The following EGF variants were observed in gnomAD, a reference collection of about 807,000 sequenced individuals.
EGF encodes the protein epidermal growth factor.
A neutral mutation model predicts 143.8 loss-of-function variants in EGF; 95 were observed. The ratio of observed to expected loss-of-function variants is 0.66; its 90% CI spans 0.56 to 0.78. The LOEUF is 0.78. Among genes scored for constraint, EGF ranks in the 30% least tolerant of loss-of-function variants. The probability of loss-of-function intolerance (pLI) is 0.00; values close to 1 mark genes in which losing one functional copy is unlikely to be tolerated. For missense variants in EGF, 1,320 were observed against 1,470.9 expected, an observed-to-expected ratio of 0.90 and a Z score of 1.68; for synonymous variants, 510 against 510.5, an observed-to-expected ratio of 1.00 and a Z score of 0.01.
At chr4:109,936,797 A>G (rs1350554854) in intron 1 of EGF, among the ~76,000 whole-genome samples, 1 of 152,160 alleles carries the variant, frequency 6.6e-6, no homozygotes, top group Non-Finnish European at 1.5e-5. Context: ...TTCGTTATTT[A>G]CCCAGTAGTC....
At chr4:109,934,393 C>CT (rs1268331407) in intron 1 of EGF, among the ~76,000 whole-genome samples, 1 of 152,160 alleles carries the variant, frequency 6.6e-6, no homozygotes, top group Non-Finnish European at 1.5e-5. Context: ...CCTTCGTCCA[C>CT]TTTTTTATGG....
At chr4:109,999,533 A>G (rs2126173070) in intron 20 of EGF, 146 bp from the exon 21 acceptor site, 2 of 1,010,268 alleles carry the variant, frequency 2.0e-6, no homozygotes, top group African/African-American at 1.6e-5. Flanking sequence ...AGCGCTTTCA[A>G]CTGACCCCTG....
rs746158733 is a variant in EGF at position 109,976,254 on chromosome 4, C to T, written c.2053+19C>T. The T allele has an allele frequency of 1.9e-5, 30 of 1,602,826 alleles. No individual in the cohort carries two copies. The highest frequency in any genetic ancestry group is 1.8e-4 in the Middle Eastern group (1 of 5,668). Reference sequence around the variant, plus strand: ...GATGTAGGTGAGGCTTTGGGATGGGCGATTTTTTCATCTTGACTGAGTGTT... The same window carrying T: ...GATGTAGGTGAGGCTTTGGGATGGGTGATTTTTTCATCTTGACTGAGTGTT... On this transcript the variant is annotated intron_variant, in intron 13 of 23. Transcript: ENST00000265171.
chr4:109,913,332 GA>G lies in EGF; in HGVS notation c.-3del. ...TCTTTTGAAAGTTCAAACTCATCAA[GA>G]TTATGCTGCTCACTCTTATCATTCT... On this transcript the variant is annotated 5_prime_UTR_variant, in exon 1 of 24. Coordinates refer to ENST00000265171, the MANE Select transcript of EGF (RefSeq NM_001963.6). 1 of 1,613,696 alleles carries G rather than the reference GA, an allele frequency of 6.2e-7. No homozygotes were observed. The highest frequency in any genetic ancestry group is 1.1e-5 in the South Asian group (1 of 91,028).
At chr4:109,944,762 T>C (rs1190357744) in intron 4 of EGF, among the ~76,000 whole-genome samples, 2 of 152,242 alleles carry the variant, frequency 1.3e-5, no homozygotes, top group Non-Finnish European at 1.5e-5. Flanking sequence ...AAATTCGTCA[T>C]GTGAAATTGA....
rs745378663 is a variant in EGF, at chr4:109,994,778, C to A, written c.2903C>A (p.Ser968Tyr). 1.2e-6 allele frequency: 2 copies of A among 1,613,982 alleles called. No individual in the cohort carries two copies. Among genetic ancestry groups the A allele is most frequent in the African/African-American group, 1.3e-5 (1 of 74,924 alleles). The change falls in exon 20 of 24, where the codon TCC becomes TAC. Residue 968 changes from serine (S) to tyrosine (Y), a missense_variant. Physicochemically the swap from Ser to Tyr is moderately radical, Grantham distance 144 (BLOSUM62 -2). Transcript: ENST00000265171. ...PHLREDDHHY[S>Y]VRNSDSECPL... ...CTCAGGGAAGATGACCACCACTATT[C>A]CGTAAGAAATAGTGACTCTGAATGT...
At chr4:109,962,048 C>A (rs1236745420) in intron 8 of EGF, 63 bp downstream of exon 8, 1 of 1,606,128 alleles carries the variant, frequency 6.2e-7, no homozygotes, top group Non-Finnish European at 8.5e-7. Context: ...TCAGTGACAT[C>A]TAAAAATTGA....
At chr4:109,992,691 C>T (rs11569065) in intron 18 of EGF, among the ~76,000 whole-genome samples, 3,259 of 151,944 alleles carry the variant, frequency 0.021, 102 homozygotes, top group African/African-American at 0.072. Context: ...AGACTTGGAA[C>T]CAACCCAAAT....
intron 1 of EGF, among the ~76,000 whole-genome samples, chr4:109,939,684 C>A (rs1015144191): frequency 1.3e-5 from 2 of 152,158 alleles, no homozygotes; most frequent in African/African-American, 4.8e-5. Context: ...AGCGCCAACC[C>A]TCTTGTAGCT....
At chr4:110,000,511 A>C (rs892506870) in intron 21 of EGF, among the ~76,000 whole-genome samples, 21 of 152,200 alleles carry the variant, frequency 1.4e-4, no homozygotes, top group Non-Finnish European at 2.5e-4. Flanking sequence ...TTGATTTTCC[A>C]CAAAATATTA....
At chr4:109,947,409 C>T (rs1392797279) in intron 5 of EGF, among the ~76,000 whole-genome samples, 1 of 150,236 alleles carries the variant, frequency 6.7e-6, no homozygotes, top group Non-Finnish European at 1.5e-5. Context: ...GAGTCTTGCT[C>T]TGTCACCCAG....
Position 109,943,840 on chromosome 4 carries a change from A to T in EGF, c.510-2A>T. ...GGGTCTATGTAATGTGTTTGCCCTCAGGTTTATATTTTGGTCTTCAGAGGT... is the reference window on the plus strand; with the variant it reads ...GGGTCTATGTAATGTGTTTGCCCTCTGGTTTATATTTTGGTCTTCAGAGGT... On this transcript the variant is annotated splice_acceptor_variant, in intron 3 of 23. Coordinates refer to ENST00000265171, the MANE Select transcript of EGF (RefSeq NM_001963.6). LOFTEE classifies it high-confidence loss of function. 6.2e-7 allele frequency: 1 copy of T among 1,613,950 alleles called. No homozygotes were observed. Among genetic ancestry groups the T allele is most frequent in the Middle Eastern group, 1.6e-4 (1 of 6,062 alleles).
intron 1 of EGF, among the ~76,000 whole-genome samples, chr4:109,914,691 G>A (rs1351350158): frequency 1.3e-5 from 2 of 152,144 alleles, no homozygotes; most frequent in African/African-American, 4.8e-5. Flanking sequence ...TATGAATGAG[G>A]CGTCTTTCTC....
intron 16 of EGF, among the ~76,000 whole-genome samples, chr4:109,984,049 T>C (rs920527011): frequency 6.6e-6 from 1 of 152,220 alleles, no homozygotes; most frequent in African/African-American, 2.4e-5. Context: ...GTAACAACTT[T>C]AGGGAACTTA....
intron 4 of EGF, among the ~76,000 whole-genome samples, chr4:109,944,450 T>C (rs949223581): frequency 6.6e-6 from 1 of 152,202 alleles, no homozygotes; most frequent in South Asian, 2.1e-4. Context: ...AGAAAAAGAC[T>C]TGAGTTCAAG....
At chr4:109,983,309 G>GT in intron 15 of EGF, 113 bp from the exon 16 acceptor site, 1 of 1,266,936 alleles carries the variant, frequency 7.9e-7, no homozygotes, top group Non-Finnish European at 1.1e-6. Context: ...TCCTCTTACT[G>GT]TAAGAATGAG....
chr4:109,998,158 C>G (rs776841558), intron 20 of EGF, among the ~76,000 whole-genome samples: 25 of 152,218 alleles, frequency 1.6e-4, no homozygotes, highest in Non-Finnish European at 2.8e-4. Context: ...AGACCCCAGA[C>G]TTTCTGAAAG....
At chr4:109,975,328 A>G (rs1748321269) in intron 12 of EGF, among the ~76,000 whole-genome samples, 1 of 152,208 alleles carries the variant, frequency 6.6e-6, no homozygotes, top group Non-Finnish European at 1.5e-5. Context: ...AAAGATAAAA[A>G]CCAACCCTAT....
At chr4:109,980,249 A>G (rs1749145838) in intron 14 of EGF, 110 bp downstream of exon 14, 1 of 1,150,154 alleles carries the variant, frequency 8.7e-7, no homozygotes, top group African/African-American at 1.6e-5. Flanking sequence ...TGTAACTTTC[A>G]CTAACTGTGT....
Sources: gnomAD v4.1 joint callset for allele counts (sites outside exome capture counted in the v4.1 genomes callset) on GRCh38, gnomAD v4.1.1 for gene constraint, MANE v1.5 for transcripts, NCBI Gene and HGNC (gene_info 2026-07-23, HGNC 2026-07-21) for gene names.